THBS2: variants seen among roughly 807,000 people sequenced by gnomAD.
THBS2 encodes thrombospondin 2, also known as thrombospondin-2.
THBS2 carries 47 observed loss-of-function variants against 135.2 expected under a neutral mutation model. The ratio of observed to expected loss-of-function variants is 0.35; its 90% CI spans 0.28 to 0.44. The LOEUF (loss-of-function observed/expected upper bound fraction) is 0.44, where lower values mean the gene tolerates loss of function less well. Among genes scored for constraint, THBS2 ranks in the 20% least tolerant of loss-of-function variants. The probability of loss-of-function intolerance (pLI) is 1.00; values close to 1 mark genes in which losing one functional copy is unlikely to be tolerated. For synonymous variants in THBS2, 639 were observed against 633.8 expected (o/e 1.01, Z -0.12); for missense variants, 1,288 against 1,603.1 (o/e 0.80, Z 3.36).
At chr6:169,223,208 G>A (rs369283861) in intron 18 of THBS2, 40 bp downstream of exon 18, 29 of 1,586,278 alleles carry the variant, frequency 1.8e-5, no homozygotes, top group Middle Eastern at 2.1e-4. Context: ...CGCCTCCCCC[G>A]GAGAAATGCT....
chr6:169,248,645 G>A lies in THBS2; in HGVS notation c.381C>T (p.Thr127=), dbSNP rs1219358529. ...CATGCCGGGTGCCGTCAATCCAGTA[G>A]GTGAGATCCAGCGTGTCCGCGGGGC... The part of the protein sequence containing the change: ...SNGPADTLDL[T]YWIDGTRHVV... The change falls in exon 3 of 22, where the codon ACC becomes ACT. Residue 127 remains threonine (T), a synonymous_variant. Coordinates refer to ENST00000617924, the MANE Select transcript of THBS2 (RefSeq NM_003247.5). 4 of 1,613,956 alleles carry A rather than the reference G, an allele frequency of 2.5e-6. No individual in the cohort carries two copies. Among genetic ancestry groups the A allele is most frequent in the Non-Finnish European group, 3.4e-6 (4 of 1,180,046 alleles).
At chr6:169,244,313 AACACAC>A (rs35075375) in intron 4 of THBS2, among the ~76,000 whole-genome samples, 15 of 147,200 alleles carry the variant, frequency 1.0e-4, no homozygotes, top group Non-Finnish European at 1.8e-4. Context: ...GTATGCTGGT[AACACAC>A]ACACACACAC....
At chr6:169,244,165 T>G (rs891813474) in intron 4 of THBS2, among the ~76,000 whole-genome samples, 5 of 14,002 alleles carry the variant, frequency 3.6e-4, no homozygotes, top group South Asian at 2.0e-3. Flanking sequence ...TTTCTCTGTG[T>G]TTTTTTTTTT....
intron 4 of THBS2, among the ~76,000 whole-genome samples, chr6:169,245,791 CAAAAA>C (rs77953553): frequency 3.5e-5 from 3 of 84,938 alleles, no homozygotes; most frequent in Non-Finnish European, 4.7e-5. Flanking sequence ...GACTCTGGCT[CAAAAA>C]AAAAAAAAAA....
chr6:169,245,231 C>T (rs1186317489), intron 4 of THBS2, among the ~76,000 whole-genome samples: 1 of 151,670 alleles, frequency 6.6e-6, no homozygotes, highest in Middle Eastern at 3.2e-3. Context: ...CCACACAGCA[C>T]TCCCTTGGGT....
chr6:169,233,131 T>TCAGG (rs1779910537), intron 10 of THBS2, 114 bp from the exon 11 acceptor site: 1 of 1,360,068 alleles, frequency 7.4e-7, no homozygotes, highest in Non-Finnish European at 9.7e-7. Context: ...AATTGTGTAG[T>TCAGG]CAGGAACACT....
Position 169,240,393 on chromosome 6 carries a change from G to T in THBS2, c.1032+59C>A, listed in dbSNP as rs1041653690. 5.4e-5 allele frequency: 86 copies of T among 1,593,302 alleles called. 2 individuals carry two copies. In the South Asian group the frequency reaches 8.8e-4, roughly 16 times the overall value. On this transcript the variant is annotated intron_variant, in intron 6 of 21. Transcript: ENST00000617924. ...AACGCTGGCATTTCCAGGCAGTCAGGTTCTGCCAAGTGTCCGATGGTGGCC... is the reference window on the plus strand; with the variant it reads ...AACGCTGGCATTTCCAGGCAGTCAGTTTCTGCCAAGTGTCCGATGGTGGCC...
chr6:169,220,164 G>C, intron 21 of THBS2, 34 bp downstream of exon 21: 1 of 1,601,872 alleles, frequency 6.2e-7, no homozygotes. Context: ...GGTGCCACAT[G>C]CCTTCCCCAC....
chr6:169,236,159 C>G (rs1301682752), intron 9 of THBS2, among the ~76,000 whole-genome samples: 4 of 123,840 alleles, frequency 3.2e-5, no homozygotes, highest in Admixed American at 7.9e-5. Flanking sequence ...CCCATCCACA[C>G]TCACTCCCCA....
rs535029137 is a variant in THBS2 at position 169,228,305 on chromosome 6, C to CT, written c.2260-25dup. On this transcript the variant is annotated intron_variant, in intron 14 of 21. Transcript: ENST00000617924. ...TCCTGGAAAACCAAGAAAGGGAAGA[C>CT]TTTAACGAAGATCATAGGAATGTGT... is the stretch of plus-strand genomic sequence containing the variant. The CT allele has an allele frequency of 3.1e-3, 4,929 of 1,613,242 alleles. 116 individuals carry two copies. The highest frequency in any genetic ancestry group is 9.7e-3 in the East Asian group (434 of 44,864).
intron 17 of THBS2, among the ~76,000 whole-genome samples, chr6:169,224,132 C>T (rs1158680690): frequency 3.8e-5 from 3 of 78,170 alleles, no homozygotes; most frequent in Admixed American, 1.3e-4. Context: ...ATCACGTGGC[C>T]TGCCGTTTTG....
chr6:169,249,858 G>A (rs1048205253), intron 2 of THBS2, among the ~76,000 whole-genome samples: 4 of 152,044 alleles, frequency 2.6e-5, no homozygotes, highest in African/African-American at 4.8e-5. Context: ...GTGAAACCCC[G>A]TCTCTACTAA....
intron 16 of THBS2, among the ~76,000 whole-genome samples, chr6:169,225,733 A>G (rs1322984064): frequency 1.3e-5 from 2 of 152,246 alleles, no homozygotes; most frequent in Admixed American, 6.5e-5. Flanking sequence ...AATATATCCT[A>G]TGAGCTGCAT....
chr6:169,237,534 G>T, intron 8 of THBS2, 91 bp downstream of exon 8: 3 of 1,576,832 alleles, frequency 1.9e-6, no homozygotes, highest in Non-Finnish European at 1.7e-6. Flanking sequence ...ACCTCGTGAG[G>T]GCAGCTCTGT....
rs148107427 is a variant in THBS2, at chr6:169,241,875, C to T, written c.778G>A (p.Glu260Lys). The T allele has an allele frequency of 1.7e-5, 27 of 1,612,504 alleles. No individual in the cohort carries two copies. In the African/African-American group the frequency reaches 3.1e-4, roughly 18 times the overall value. The change falls in exon 5 of 22, where the codon GAG becomes AAG. Residue 260 changes from glutamate to lysine, a missense_variant. Coordinates refer to ENST00000617924, the MANE Select transcript of THBS2 (RefSeq NM_003247.5). This position sits in a 1 kb window ranked among gnomAD's most constrained non-coding sequence, Gnocchi z 5.5. ...VTTEYVGPSSERRPEVCERSC... is the reference protein window; with the variant it reads ...VTTEYVGPSSKRRPEVCERSC... ...CGTTCGCACACCTCGGGCCTCCTCT[C>T]CGAGCTGGGGCCCACGTACTCGGTG...
intron 9 of THBS2, among the ~76,000 whole-genome samples, chr6:169,235,218 C>T (rs1173498693): frequency 6.6e-6 from 1 of 151,988 alleles, no homozygotes; most frequent in African/African-American, 2.4e-5. Context: ...GAGAGGGTCT[C>T]GCTATGTTGC....
At chr6:169,237,573 AAACGCGG>A in intron 8 of THBS2, 45 bp downstream of exon 8, 1 of 1,605,914 alleles carries the variant, frequency 6.2e-7, no homozygotes, top group South Asian at 1.1e-5. Context: ...TGACTGAGAG[AAACGCGG>A]CCCCACCCCC....
chr6:169,246,036 C>T, intron 4 of THBS2, 161 bp downstream of exon 4: 2 of 474,134 alleles, frequency 4.2e-6, no homozygotes, highest in South Asian at 5.4e-5. Flanking sequence ...CTAAGTTGAC[C>T]AGCTAAGTCA....
chr6:169,251,068 C>A (rs1370224250), intron 1 of THBS2, among the ~76,000 whole-genome samples: 2 of 152,186 alleles, frequency 1.3e-5, no homozygotes, highest in Non-Finnish European at 2.9e-5. Flanking sequence ...ATTTCATCTT[C>A]ATAATAGCCT....
Sources: allele counts gnomAD v4.1 joint callset (sites outside exome capture counted in the v4.1 genomes callset), GRCh38; gene constraint gnomAD v4.1.1; non-coding constraint Gnocchi (gnomAD v3.1); transcripts MANE v1.5; gene names NCBI Gene and HGNC (gene_info 2026-07-23, HGNC 2026-07-21).